Variants in ANKH observed in about 807,000 individuals in gnomAD.
The protein encoded by ANKH is ANKH inorganic pyrophosphate transport regulator.
Under a neutral mutation model 49.0 loss-of-function variants are expected in ANKH, and 15 were observed. That is an observed-to-expected ratio of 0.31 (90% CI 0.20 to 0.47). The LOEUF is 0.47. Among genes scored for constraint, ANKH ranks in the 20% least tolerant of loss-of-function variants. The pLI is 1.00. For missense variants in ANKH, 429 were observed against 652.0 expected (o/e 0.66, Z 3.72); for synonymous variants, 273 against 260.0 (o/e 1.05, Z -0.48).
Position 14,770,539 on chromosome 5 carries a change from T to C in ANKH, c.97-1348A>G, listed in dbSNP as rs1434962908. On this transcript the variant is annotated intron_variant, in intron 1 of 11. Coordinates refer to ENST00000284268, the MANE Select transcript of ANKH (RefSeq NM_054027.6). This position sits in a 1 kb window ranked among gnomAD's most constrained non-coding sequence, Gnocchi z 4.1. Reference sequence around the variant, plus strand: ...CAGAATAATTATTAACAATATATTATAATAAAAGTTTTATCAATGTGGTCT... The same window carrying C: ...CAGAATAATTATTAACAATATATTACAATAAAAGTTTTATCAATGTGGTCT... Among the ~76,000 whole-genome samples the C allele has an allele frequency of 1.3e-5, 2 of 152,236 alleles. No homozygotes were observed. The highest frequency in any genetic ancestry group is 4.8e-5 in the African/African-American group (2 of 41,464).
chr5:14,785,327 C>T (rs1739938981), intron 1 of ANKH, among the ~76,000 whole-genome samples: 1 of 152,126 alleles, frequency 6.6e-6, no homozygotes. Context: ...GGGGGTGGAT[C>T]CCTCAGGAAT....
chr5:14,833,846 TG>T (rs934285490), intron 1 of ANKH, among the ~76,000 whole-genome samples: 5 of 152,180 alleles, frequency 3.3e-5, no homozygotes, highest in Non-Finnish European at 7.4e-5. Flanking sequence ...AAGGAACTGT[TG>T]GGGCCCTGCA....
chr5:14,840,648 T>G (rs553401595), intron 1 of ANKH, among the ~76,000 whole-genome samples: 5 of 152,238 alleles, frequency 3.3e-5, no homozygotes, highest in African/African-American at 4.8e-5. Flanking sequence ...AGGTGGTTTC[T>G]AGAAATGACA....
rs27911 is a variant in ANKH, at chr5:14,707,269, G to A, written c.*3928C>T. 130,011 of 149,208 alleles carry A rather than the reference G, an allele frequency of 0.87. 55,785 individuals are homozygous for A. The highest frequency in any genetic ancestry group is 0.91 in the Admixed American group (13,779 of 15,126). The allele number at this position is 149,208 out of a possible 1,614,324, so 9.2% of individuals were successfully genotyped here. On this transcript the variant is annotated 3_prime_UTR_variant, in exon 12 of 12. Transcript: ENST00000284268. Reference sequence around the variant, plus strand: ...ATACTTGCTATTTTGTGGAACACACGCACACTCGCACTTCAGTTTGAAGGG... The same window carrying A: ...ATACTTGCTATTTTGTGGAACACACACACACTCGCACTTCAGTTTGAAGGG...
Position 14,871,342 on chromosome 5 carries a change from C to T in ANKH, c.96+10G>A, listed in dbSNP as rs373461922. The T allele has an allele frequency of 6.2e-7, 1 of 1,608,782 alleles. No homozygotes were observed. Among genetic ancestry groups the T allele is most frequent in the East Asian group, 2.2e-5 (1 of 44,720 alleles). ...GGCGAGCGGGCGTGGGGCGCGGGGC[C>T]GGGGCTTACCTGCTCCCCGAAGTCG... On this transcript the variant is annotated intron_variant, in intron 1 of 11. Coordinates refer to ENST00000284268, the MANE Select transcript of ANKH (RefSeq NM_054027.6).
At chr5:14,786,493 G>C (rs2126537324) in intron 1 of ANKH, among the ~76,000 whole-genome samples, 1 of 152,310 alleles carries the variant, frequency 6.6e-6, no homozygotes, top group South Asian at 2.1e-4. Context: ...TGATAGAGGA[G>C]ACTAGTGAGG....
At chr5:14,755,030 T>A (rs909212778) in intron 4 of ANKH, among the ~76,000 whole-genome samples, 1 of 144,862 alleles carries the variant, frequency 6.9e-6, no homozygotes, top group Non-Finnish European at 1.5e-5. Flanking sequence ...GAGCCGAGAT[T>A]GTGCCATTCG....
intron 1 of ANKH, among the ~76,000 whole-genome samples, chr5:14,858,455 G>A (rs557917895): frequency 3.9e-4 from 59 of 152,248 alleles, no homozygotes; most frequent in African/African-American, 1.3e-3. Context: ...GGTGGCTCTC[G>A]CCTGTAATCC....
At chr5:14,867,948 T>C (rs55779637) in intron 1 of ANKH, among the ~76,000 whole-genome samples, 22 of 152,006 alleles carry the variant, frequency 1.4e-4, no homozygotes, top group South Asian at 4.1e-4. Context: ...ACTACCAAAA[T>C]TGAAAAAATG....
intron 1 of ANKH, among the ~76,000 whole-genome samples, chr5:14,791,793 T>C (rs1313857104): frequency 6.6e-6 from 1 of 152,152 alleles, no homozygotes; most frequent in African/African-American, 2.4e-5. Context: ...CTCCCAACTT[T>C]TACCTTCTAC....
chr5:14,820,570 C>A (rs1347514198), intron 1 of ANKH, among the ~76,000 whole-genome samples: 1 of 152,170 alleles, frequency 6.6e-6, no homozygotes, highest in Non-Finnish European at 1.5e-5. Context: ...AGGATTCTTG[C>A]TGAGGGCAGG....
chr5:14,796,629 C>T (rs1262709728), intron 1 of ANKH, among the ~76,000 whole-genome samples: 3 of 152,084 alleles, frequency 2.0e-5, no homozygotes, highest in Non-Finnish European at 4.4e-5. Flanking sequence ...AACTGGTCTA[C>T]GTATGAAAAT....
intron 1 of ANKH, chr5:14,797,967 G>A: frequency 6.4e-7 from 1 of 1,567,916 alleles, no homozygotes; most frequent in Non-Finnish European, 8.8e-7. Context: ...ATCACTGGAA[G>A]GAGTCTTTGT....
chr5:14,818,416 T>C (rs1376766626), intron 1 of ANKH, among the ~76,000 whole-genome samples: 2 of 151,816 alleles, frequency 1.3e-5, no homozygotes, highest in Non-Finnish European at 2.9e-5. Flanking sequence ...GAGGCAGGTA[T>C]GGATCACCTG....
At chr5:14,823,386 C>T (rs1436187405) in intron 1 of ANKH, among the ~76,000 whole-genome samples, 1 of 152,098 alleles carries the variant, frequency 6.6e-6, no homozygotes, top group Non-Finnish European at 1.5e-5. Flanking sequence ...ATAAAAAGAA[C>T]TTTTAAAAAG....
rs914803268 is a variant in ANKH at position 14,707,191 on chromosome 5, AT to A, written c.*4005del. 6.6e-6 allele frequency: 1 copy of A among 152,178 alleles called. No individual in the cohort carries two copies. The highest frequency in any genetic ancestry group is 2.4e-5 in the African/African-American group (1 of 41,436). The allele number at this position is 152,178 out of a possible 1,614,324, so 9.4% of individuals were successfully genotyped here. On this transcript the variant is annotated 3_prime_UTR_variant, in exon 12 of 12. Transcript: ENST00000284268. ...TGCTGGGAGTTACTGAAGTAGAAAGATTTTTAAATACAAGAAAATATTTCTC... is the reference window on the plus strand; with the variant it reads ...TGCTGGGAGTTACTGAAGTAGAAAGATTTTAAATACAAGAAAATATTTCTC...
Position 14,819,221 on chromosome 5 carries a change from G to A in ANKH, c.97-50030C>T, listed in dbSNP as rs567902076. ...GAAAAAATGAAACACTGAAACTACC[G>A]TTTATTCTGCTGTCTCAACCTATTT... On this transcript the variant is annotated intron_variant, in intron 1 of 11. Transcript: ENST00000284268. 3.9e-5 allele frequency among the ~76,000 whole-genome samples: 6 copies of A among 152,278 alleles called. No homozygotes were observed. In the South Asian group the frequency reaches 6.2e-4, roughly 16 times the overall value.
chr5:14,842,074 T>C (rs1275552903), intron 1 of ANKH, among the ~76,000 whole-genome samples: 1 of 152,120 alleles, frequency 6.6e-6, no homozygotes, highest in Non-Finnish European at 1.5e-5. Flanking sequence ...GCTAAACAGA[T>C]AAATGCTTTC....
At chr5:14,801,845 T>C (rs1311983140) in intron 1 of ANKH, among the ~76,000 whole-genome samples, 2 of 152,200 alleles carry the variant, frequency 1.3e-5, no homozygotes, top group African/African-American at 2.4e-5. Context: ...TGAAAACAAT[T>C]TAGAACATTA....
Sources: gnomAD v4.1 joint callset for allele counts (sites outside exome capture counted in the v4.1 genomes callset) on GRCh38, gnomAD v4.1.1 for gene constraint, Gnocchi (gnomAD v3.1) non-coding constraint, MANE v1.5 for transcripts, NCBI Gene and HGNC (gene_info 2026-07-23, HGNC 2026-07-21) for gene names.